The following SHC4 variants were observed in gnomAD, a reference collection of about 807,000 sequenced individuals.
SHC4 encodes the protein SHC-transforming protein 4.
A neutral mutation model predicts 69.4 loss-of-function variants in SHC4; 41 were observed. The ratio of observed to expected loss-of-function variants is 0.59; its 90% CI spans 0.46 to 0.77. The LOEUF is 0.77. SHC4 is among the 30% of genes least tolerant of loss of function. The probability of loss-of-function intolerance (pLI) is 0.00; values close to 1 mark genes in which losing one functional copy is unlikely to be tolerated. For missense variants in SHC4, 777 were observed against 783.8 expected (o/e 0.99, Z 0.10); for synonymous variants, 318 against 299.3 (o/e 1.06, Z -0.64).
chr15:48,855,406 G>T (rs1213462679), intron 8 of SHC4, among the ~76,000 whole-genome samples: 1 of 152,102 alleles, frequency 6.6e-6, no homozygotes, highest in Admixed American at 6.6e-5. Flanking sequence ...TAGTGCACAT[G>T]TTAACACAAA....
At chr15:48,939,590 C>A (rs1901137470) in intron 1 of SHC4, among the ~76,000 whole-genome samples, 1 of 152,174 alleles carries the variant, frequency 6.6e-6, no homozygotes, top group African/African-American at 2.4e-5. Flanking sequence ...TGGAGTCCAG[C>A]ACAATATGTG....
Position 48,963,777 on chromosome 15 carries a change from T to C in SHC4, c.-762A>G, listed in dbSNP as rs1901586522. Among the ~76,000 whole-genome samples the C allele has an allele frequency of 6.6e-6, 1 of 152,154 alleles. No homozygotes were observed. The highest frequency in any genetic ancestry group is 2.1e-4 in the South Asian group (1 of 4,828). ...GCTCAGAGCTTCCCTCCCTCCTGGA[T>C]TCCTCTCGGAGCTTTTTTCAGAAGC... On this transcript the variant is annotated 5_prime_UTR_variant, in exon 1 of 12. Coordinates refer to ENST00000332408, the MANE Select transcript of SHC4 (RefSeq NM_203349.4).
intron 2 of SHC4, among the ~76,000 whole-genome samples, chr15:48,911,405 AT>A (rs1359908449): frequency 6.6e-6 from 1 of 152,080 alleles, no homozygotes; most frequent in Non-Finnish European, 1.5e-5. Flanking sequence ...TTTGGCATCC[AT>A]TTGCATGAAA....
intron 11 of SHC4, among the ~76,000 whole-genome samples, chr15:48,826,356 A>G (rs1898689524): frequency 6.6e-6 from 1 of 151,696 alleles, no homozygotes; most frequent in African/African-American, 2.4e-5. Flanking sequence ...GGTTCACGCA[A>G]TTCTAGTGCT....
intron 1 of SHC4, among the ~76,000 whole-genome samples, chr15:48,926,856 G>C (rs114700158): frequency 2.6e-5 from 4 of 152,152 alleles, no homozygotes; most frequent in Admixed American, 6.5e-5. Context: ...CATGCTGGCC[G>C]GGACAATCAC....
intron 2 of SHC4, among the ~76,000 whole-genome samples, chr15:48,909,908 T>C (rs1190794887): frequency 3.3e-5 from 5 of 152,212 alleles, no homozygotes. Flanking sequence ...TGAAACCCAC[T>C]TGATCATGGT....
At chr15:48,952,233 T>C (rs1161266141) in intron 1 of SHC4, among the ~76,000 whole-genome samples, 1 of 152,240 alleles carries the variant, frequency 6.6e-6, no homozygotes, top group Non-Finnish European at 1.5e-5. Flanking sequence ...AATTATTTGC[T>C]GATGATATTA....
At chr15:48,918,987 C>A (rs1310917006) in intron 2 of SHC4, among the ~76,000 whole-genome samples, 2 of 152,092 alleles carry the variant, frequency 1.3e-5, no homozygotes, top group Non-Finnish European at 2.9e-5. Flanking sequence ...TCAAATTCAA[C>A]AAGCCCCAGG....
At chr15:48,946,490 C>T (rs1333858453) in intron 1 of SHC4, 2 of 765,120 alleles carry the variant, frequency 2.6e-6, no homozygotes, top group South Asian at 6.0e-5. Context: ...TCTCCTCCCC[C>T]TTTCCTCTCC....
At chr15:48,895,596 C>T (rs1900208785) in intron 2 of SHC4, among the ~76,000 whole-genome samples, 1 of 152,112 alleles carries the variant, frequency 6.6e-6, no homozygotes, top group Non-Finnish European at 1.5e-5. Context: ...CTGCCACCTC[C>T]TGGAAGAAAC....
intron 2 of SHC4, among the ~76,000 whole-genome samples, chr15:48,892,126 A>T (rs1900148701): frequency 6.6e-6 from 1 of 152,166 alleles, no homozygotes; most frequent in African/African-American, 2.4e-5. Context: ...AAGTGTTGGG[A>T]CTACAGGCGT....
intron 1 of SHC4, among the ~76,000 whole-genome samples, chr15:48,936,773 C>A (rs1901078618): frequency 6.6e-6 from 1 of 152,206 alleles, no homozygotes; most frequent in African/African-American, 2.4e-5. Flanking sequence ...CTTTCAATTT[C>A]TCTGAAAAAA....
At chr15:48,962,334 A>G in intron 1 of SHC4, 97 bp downstream of exon 1, 1 of 1,294,322 alleles carries the variant, frequency 7.7e-7, no homozygotes, top group Non-Finnish European at 1.1e-6. Flanking sequence ...GTCCAAACAC[A>G]GAACCCAGGC....
chr15:48,917,424 T>G (rs554545682), intron 2 of SHC4, among the ~76,000 whole-genome samples: 9 of 152,310 alleles, frequency 5.9e-5, no homozygotes, highest in African/African-American at 2.2e-4. Flanking sequence ...AGCATGATCT[T>G]CATTTTCTCT....
intron 1 of SHC4, among the ~76,000 whole-genome samples, chr15:48,954,366 C>T (rs1290311713): frequency 6.6e-6 from 1 of 152,212 alleles, no homozygotes; most frequent in Non-Finnish European, 1.5e-5. Context: ...ATCACATAAG[C>T]AGTTTGCCAA....
At chr15:48,934,742 T>G (rs1901036055) in intron 1 of SHC4, among the ~76,000 whole-genome samples, 1 of 152,188 alleles carries the variant, frequency 6.6e-6, no homozygotes, top group African/African-American at 2.4e-5. Context: ...TAGTATGTCA[T>G]GCAATGGAAT....
chr15:48,857,758 C>G lies in SHC4; in HGVS notation c.1004G>C (p.Gly335Ala). ...GMAQDVISTI[G>A]QAFELRFKQY... ...TTTAAACCGGAGTTCAAAAGCCTGCCCTATGGTACTTATGACGTCTTGGGC... is the reference window on the plus strand; with the variant it reads ...TTTAAACCGGAGTTCAAAAGCCTGCGCTATGGTACTTATGACGTCTTGGGC... Residue 335 changes from glycine to alanine, a missense_variant, in exon 7 of 12, where the codon GGG (glycine) becomes GCG (alanine). By Grantham distance (60) the Gly-to-Ala change is moderately conservative (BLOSUM62 0). Coordinates refer to ENST00000332408, the MANE Select transcript of SHC4 (RefSeq NM_203349.4). 1 of 1,606,106 alleles carries G rather than the reference C, an allele frequency of 6.2e-7. No homozygotes were observed.
chr15:48,915,420 A>T (rs2141019190), intron 2 of SHC4, among the ~76,000 whole-genome samples: 1 of 152,328 alleles, frequency 6.6e-6, no homozygotes, highest in East Asian at 1.9e-4. Flanking sequence ...CAAGTATCTG[A>T]AAAGTGAGAT....
At chr15:48,950,322 G>A (rs75434614) in intron 1 of SHC4, among the ~76,000 whole-genome samples, 9,862 of 150,160 alleles carry the variant, frequency 0.066, 482 homozygotes, top group Non-Finnish European at 0.08. Flanking sequence ...CCGATCATTA[G>A]GGACCATCTC....
Sources: gnomAD v4.1 joint callset for allele counts (sites outside exome capture counted in the v4.1 genomes callset) on GRCh38, gnomAD v4.1.1 for gene constraint, MANE v1.5 for transcripts, NCBI Gene and HGNC (gene_info 2026-07-23, HGNC 2026-07-21) for gene names.